EP400: variants seen among roughly 807,000 people sequenced by gnomAD.
EP400 encodes E1A-binding protein p400.
EP400 carries 105 observed loss-of-function variants against 354.1 expected under a neutral mutation model. The observed-to-expected ratio is 0.30, with a 90% confidence interval of 0.25 to 0.35. The LOEUF (loss-of-function observed/expected upper bound fraction) is 0.35. EP400 is among the 10% of genes least tolerant of loss of function. The probability of loss-of-function intolerance (pLI) is 1.00; values close to 1 mark genes in which losing one functional copy is unlikely to be tolerated. For synonymous variants in EP400, 1,646 were observed against 1,716.9 expected, an observed-to-expected ratio of 0.96 and a Z score of 1.02; for missense variants, 3,280 against 4,121.0, an observed-to-expected ratio of 0.80 and a Z score of 5.59.
chr12:131,962,339 C>T (rs982861873), intron 2 of EP400, among the ~76,000 whole-genome samples: 1 of 152,296 alleles, frequency 6.6e-6, no homozygotes, highest in East Asian at 1.9e-4. Context: ...ACCAGCCAAA[C>T]GTGTGAAAGC....
chr12:132,028,338 C>G, intron 27 of EP400, 50 bp downstream of exon 27: 1 of 1,590,796 alleles, frequency 6.3e-7, no homozygotes, highest in Non-Finnish European at 8.6e-7. Context: ...GCATTGCACC[C>G]CGGCAAGACC....
At chr12:131,991,102 C>T (rs1414751475) in intron 9 of EP400, among the ~76,000 whole-genome samples, 3 of 152,140 alleles carry the variant, frequency 2.0e-5, no homozygotes, top group South Asian at 2.1e-4. Flanking sequence ...AGGATGTGCA[C>T]GGCACCAGTG....
chr12:131,971,315 A>G (rs1393572017), intron 2 of EP400, among the ~76,000 whole-genome samples: 2 of 152,240 alleles, frequency 1.3e-5, no homozygotes, highest in African/African-American at 4.8e-5. Flanking sequence ...TGTAAATGGC[A>G]GGATTTCCTT....
In EP400 at chr12:132,017,833, T is replaced by C. The variant is rs1372596550; in HGVS notation, c.4110+112T>C. 1.7e-6 allele frequency: 2 copies of C among 1,202,776 alleles called. No homozygotes were observed. The highest frequency in any genetic ancestry group is 2.3e-6 in the Non-Finnish European group (2 of 882,888). The allele number at this position is 1,202,776 out of a possible 1,614,324, so 74.5% of individuals were successfully genotyped here. A position where few individuals can be genotyped will look rare whatever the true frequency, so the allele number is the denominator to read the frequency against. On this transcript the variant is annotated intron_variant, in intron 20 of 52. Coordinates refer to ENST00000389561, the MANE Select transcript of EP400 (RefSeq NM_015409.5). The surrounding 1 kb of genome is among the most constrained non-coding windows in gnomAD (Gnocchi z 5.0). ...TCAACCAGCTCTTCTGCAATTGCAA[T>C]TGCAGCTCCGCGATACATGGCACCG...
At position 132,006,738 on chromosome 12, in the gene EP400, C is replaced by G. The variant is rs1360583261; in HGVS notation, c.3165C>G (p.Leu1055=). The G allele has an allele frequency of 1.2e-6, 2 of 1,612,370 alleles. No individual in the cohort carries two copies. The highest frequency in any genetic ancestry group is 1.7e-6 in the Non-Finnish European group (2 of 1,179,576). ...CTCCATCTTTGTTGTATGGGGCTCT[C>G]AGAGATTATCAGAAGATTGGCCTGG... ...FNAPSLLYGA[L]RDYQKIGLDW... is the part of the protein sequence containing the mutation. The change falls in exon 15 of 53, where the codon CTC becomes CTG. Residue 1055 remains leucine, a synonymous_variant. Coordinates refer to ENST00000389561, the MANE Select transcript of EP400 (RefSeq NM_015409.5).
At chr12:131,960,090 A>C (rs1821676840) in intron 1 of EP400, among the ~76,000 whole-genome samples, 1 of 152,194 alleles carries the variant, frequency 6.6e-6, no homozygotes, top group Non-Finnish European at 1.5e-5. Context: ...GGGAGCAGGG[A>C]GTTGTCCCTC....
At chr12:132,012,303 C>G (rs1022555750) in intron 16 of EP400, among the ~76,000 whole-genome samples, 40 of 152,284 alleles carry the variant, frequency 2.6e-4, no homozygotes, top group Admixed American at 5.9e-4. Context: ...AAATTTATTT[C>G]TCACAGTTCT....
At chr12:132,073,932 T>G (rs1329468951) in intron 51 of EP400, among the ~76,000 whole-genome samples, 1 of 133,370 alleles carries the variant, frequency 7.5e-6, no homozygotes, top group South Asian at 2.6e-4. Flanking sequence ...TTTTTTTTTT[T>G]TTTTTTTTTT....
In EP400 at chr12:132,033,904, AT is replaced by A. The variant is rs200744822; in HGVS notation, c.5951+1760del. On this transcript the variant is annotated intron_variant, in intron 30 of 52. Transcript: ENST00000389561. ...GCTGTATTTAAATTGTTTTATTATT[AT>A]TTTTCTTGCTATAAATGCATTACAT... 7.1e-3 allele frequency among the ~76,000 whole-genome samples: 1,082 copies of A among 152,150 alleles called. 35 individuals are homozygous for A. The South Asian group carries it at 0.094, about 13-fold the overall frequency.
In EP400 at chr12:132,028,170, G is replaced by A; in HGVS notation, c.5263G>A (p.Gly1755Ser). The change falls in exon 27 of 53, where the codon GGC becomes AGC. Residue 1755 changes from glycine (G) to serine (S), a missense_variant. Transcript: ENST00000389561. ...GRVQWRGSLD[G>S]RRGKEAGPAH... ...GGTACAGTGGCGTGGGTCCCTGGAT[G>A]GCCGTCGTGGGAAGGAGGCCGGGCC... is the stretch of plus-strand genomic sequence containing the variant. The A allele has an allele frequency of 6.2e-7, 1 of 1,614,188 alleles. No individual in the cohort carries two copies. Among genetic ancestry groups the A allele is most frequent in the South Asian group, 1.1e-5 (1 of 91,086 alleles).
chr12:131,976,740 C>CA (rs1339030855), intron 2 of EP400, among the ~76,000 whole-genome samples: 1 of 152,082 alleles, frequency 6.6e-6, no homozygotes, highest in Non-Finnish European at 1.5e-5. Flanking sequence ...CGCCAAACAG[C>CA]AACAAAAAAC....
In EP400 at chr12:132,067,496, C is replaced by G; in HGVS notation, c.8874+10C>G. ...AGCCGTCCAGCAGAAGGTACCGGGG[C>G]TAGGGGATTCTCACTTCTGGGTCTA... On this transcript the variant is annotated intron_variant, in intron 50 of 52. Transcript: ENST00000389561. The surrounding 1 kb of genome is among the most constrained non-coding windows in gnomAD (Gnocchi z 5.3). 1.2e-6 allele frequency: 2 copies of G among 1,610,008 alleles called. No individual in the cohort carries two copies. Among genetic ancestry groups the G allele is most frequent in the Non-Finnish European group, 1.7e-6 (2 of 1,179,448 alleles).
chr12:131,992,204 C>G lies in EP400; in HGVS notation c.2711C>G (p.Ala904Gly). The change falls in exon 11 of 53, where the codon GCT (alanine) becomes GGT (glycine). Residue 904 changes from alanine (A) to glycine (G), a missense_variant. Around this residue, in one of 20 missense-constraint regions of EP400, gnomAD observed 800 missense variants for 840.0 expected, o/e 0.95. Coordinates refer to ENST00000389561, the MANE Select transcript of EP400 (RefSeq NM_015409.5). ...DSGMSGRKRK[A>G]SISLTDDEVD... is the part of the protein sequence containing the mutation. ...GGAATGTCTGGAAGAAAAAGAAAAGCTAGCATATCTTTGACTGATGACGAA... is the reference window on the plus strand; with the variant it reads ...GGAATGTCTGGAAGAAAAAGAAAAGGTAGCATATCTTTGACTGATGACGAA... The G allele has an allele frequency of 6.2e-7, 1 of 1,610,258 alleles. No individual in the cohort carries two copies. The highest frequency in any genetic ancestry group is 1.1e-5 in the South Asian group (1 of 91,086).
chr12:131,955,340 T>C (rs566374221), intron 1 of EP400, among the ~76,000 whole-genome samples: 2 of 152,236 alleles, frequency 1.3e-5, no homozygotes, highest in African/African-American at 4.8e-5. Context: ...TGGAGTGCAA[T>C]GGTGTGATCT....
intron 21 of EP400, among the ~76,000 whole-genome samples, chr12:132,019,752 T>C (rs959719694): frequency 2.6e-5 from 4 of 152,210 alleles, no homozygotes; most frequent in Non-Finnish European, 4.4e-5. Context: ...TCTATCTACA[T>C]TGATATGATT....
chr12:131,952,922 A>G (rs529949275), intron 1 of EP400, among the ~76,000 whole-genome samples: 2 of 152,274 alleles, frequency 1.3e-5, no homozygotes, highest in South Asian at 4.2e-4. Flanking sequence ...ACACAGAAAT[A>G]CATAGAGCTC....
chr12:132,022,561 G>C (rs966086388), intron 23 of EP400, among the ~76,000 whole-genome samples: 4 of 152,186 alleles, frequency 2.6e-5, no homozygotes, highest in Admixed American at 6.5e-5. Context: ...CTGTTGTTCA[G>C]TTGTAGCCGG....
At position 132,029,522 on chromosome 12, in the gene EP400, A is replaced by G; in HGVS notation, c.5382-179A>G. On this transcript the variant is annotated intron_variant, in intron 27 of 52. Transcript: ENST00000389561. The surrounding 1 kb of genome is among the most constrained non-coding windows in gnomAD (Gnocchi z 4.7). ...TGGTTATTGGCCAGGACTGGTTAGG[A>G]TCTGCCTCGTTGGGCCCCTGCCCGT... 1.5e-6 allele frequency: 1 copy of G among 649,550 alleles called. No individual in the cohort carries two copies. The highest frequency in any genetic ancestry group is 2.7e-5 in the East Asian group (1 of 36,704). The allele number at this position is 649,550 out of a possible 1,614,324, so 40.2% of individuals were successfully genotyped here. A position where few individuals can be genotyped will look rare whatever the true frequency, so the allele number is the denominator to read the frequency against.
chr12:131,998,676 T>C (rs1177774507), intron 12 of EP400, among the ~76,000 whole-genome samples: 1 of 136,828 alleles, frequency 7.3e-6, no homozygotes, highest in East Asian at 2.3e-4. Context: ...TTGTATACAG[T>C]CTTGTATACA....
Sources: gnomAD v4.1 joint callset for allele counts (sites outside exome capture counted in the v4.1 genomes callset) on GRCh38, gnomAD v4.1.1 for gene constraint, gnomAD v4.1.1 regional missense constraint, Gnocchi (gnomAD v3.1) non-coding constraint, MANE v1.5 for transcripts, NCBI Gene and HGNC (gene_info 2026-07-23, HGNC 2026-07-21) for gene names.